Variants in SYN3 observed in about 807,000 individuals in gnomAD.
SYN3 encodes the protein synapsin-3.
Under a neutral mutation model 65.8 loss-of-function variants are expected in SYN3, and 35 were observed. The ratio of observed to expected loss-of-function variants is 0.53; its 90% CI spans 0.41 to 0.70. The LOEUF (loss-of-function observed/expected upper bound fraction) is 0.70, where lower values mean the gene tolerates loss of function less well. SYN3 is among the 30% of genes least tolerant of loss of function. The probability of loss-of-function intolerance (pLI) is 0.00; values close to 1 mark genes in which losing one functional copy is unlikely to be tolerated. For synonymous variants in SYN3, 270 were observed against 292.9 expected (o/e 0.92, Z 0.80); for missense variants, 680 against 749.0 (o/e 0.91, Z 1.08).
intron 7 of SYN3, among the ~76,000 whole-genome samples, chr22:32,546,841 T>G (rs779716171): frequency 2.0e-5 from 3 of 151,982 alleles, no homozygotes; most frequent in South Asian, 2.1e-4. Context: ...CTTGCCTCCC[T>G]CGCCCCTCTT....
chr22:32,800,313 C>T (rs957138825), intron 6 of SYN3, among the ~76,000 whole-genome samples: 2 of 152,018 alleles, frequency 1.3e-5, no homozygotes, highest in Admixed American at 6.5e-5. Flanking sequence ...TGCAAATGGC[C>T]ATTTGCAGTT....
At chr22:33,039,234 A>G (rs1378318939) in intron 1 of SYN3, among the ~76,000 whole-genome samples, 1 of 152,192 alleles carries the variant, frequency 6.6e-6, no homozygotes, top group Non-Finnish European at 1.5e-5. Context: ...GTGTGGAGCC[A>G]GCATTCAAAT....
intron 6 of SYN3, among the ~76,000 whole-genome samples, chr22:32,705,697 T>G (rs549085981): frequency 6.6e-6 from 1 of 152,352 alleles, no homozygotes; most frequent in African/African-American, 2.4e-5. Flanking sequence ...GCATGGAATA[T>G]TTTTCTATTT....
At chr22:32,671,579 GCACA>G (rs1184707760) in intron 6 of SYN3, among the ~76,000 whole-genome samples, 3 of 142,440 alleles carry the variant, frequency 2.1e-5, no homozygotes, top group Non-Finnish European at 3.0e-5. Context: ...TCAAACAAGT[GCACA>G]CACACACGCT....
Position 32,512,219 on chromosome 22 carries a change from C to CATA in SYN3, c.*1470_*1472dup, listed in dbSNP as rs1007563917. On this transcript the variant is annotated 3_prime_UTR_variant, in exon 14 of 14. Transcript: ENST00000358763. ...TACCAAACAATCTACATTGCTTGGGCATAACTAGAAGCTGCTCCAGGCCAA... is the reference window on the plus strand; with the variant it reads ...TACCAAACAATCTACATTGCTTGGGCATAATAACTAGAAGCTGCTCCAGGCCAA... 6.6e-6 allele frequency among the ~76,000 whole-genome samples: 1 copy of CATA among 152,216 alleles called. No homozygotes were observed. The highest frequency in any genetic ancestry group is 1.5e-5 in the Non-Finnish European group (1 of 68,038).
rs191592314 is a variant in SYN3 at position 32,544,889 on chromosome 22, C to T, written c.775-3176G>A. Among the ~76,000 whole-genome samples the T allele has an allele frequency of 7.9e-5, 12 of 152,306 alleles. No homozygotes were observed. In the East Asian group the frequency reaches 1.4e-3, roughly 17 times the overall value. ...GCCCTGAGCACAGAGTGGGCTACCT[C>T]GGAAGTGTCTAGCTGTCCACAGCAT... On this transcript the variant is annotated intron_variant, in intron 7 of 13. Transcript: ENST00000358763.
chr22:32,638,962 C>A (rs1177356360), intron 6 of SYN3, among the ~76,000 whole-genome samples: 1 of 151,180 alleles, frequency 6.6e-6, no homozygotes, highest in Non-Finnish European at 1.5e-5. Context: ...ACATTGAAAT[C>A]TTTTTTTTTG....
chr22:33,015,276 G>A (rs1601909524), intron 1 of SYN3: 1 of 542,482 alleles, frequency 1.8e-6, no homozygotes. Context: ...TCCAAAAGGA[G>A]CAGACTATTT....
intron 7 of SYN3, 57 bp from the exon 8 acceptor site, chr22:32,541,770 C>T: frequency 6.4e-7 from 1 of 1,572,938 alleles, no homozygotes. Context: ...CTGAGCCCAC[C>T]CTATGCCAGG....
chr22:32,741,643 T>C (rs2147395388), intron 6 of SYN3, among the ~76,000 whole-genome samples: 1 of 152,036 alleles, frequency 6.6e-6, no homozygotes, highest in Middle Eastern at 3.4e-3. Flanking sequence ...GCGTGAGCCA[T>C]CGTGCTTGCC....
At chr22:32,592,477 A>G (rs1312497506) in intron 7 of SYN3, among the ~76,000 whole-genome samples, 1 of 152,164 alleles carries the variant, frequency 6.6e-6, no homozygotes, top group Admixed American at 6.5e-5. Flanking sequence ...CATGATGTCC[A>G]CTATTTTTTT....
intron 6 of SYN3, among the ~76,000 whole-genome samples, chr22:32,851,182 G>T (rs573744728): frequency 6.6e-6 from 1 of 152,268 alleles, no homozygotes; most frequent in African/African-American, 2.4e-5. Flanking sequence ...GACAGCGCGG[G>T]AATGCCAAAG....
intron 6 of SYN3, among the ~76,000 whole-genome samples, chr22:32,780,077 A>AAAAAAAAAAAAAAG (rs2045999689): frequency 1.5e-4 from 3 of 19,498 alleles, no homozygotes; most frequent in Non-Finnish European, 1.7e-4. Flanking sequence ...TCAAAAAAAA[A>AAAAAAAAAAAAAAG]AAGAGAGAGA....
intron 6 of SYN3, among the ~76,000 whole-genome samples, chr22:32,730,219 A>G (rs1338445200): frequency 1.3e-5 from 2 of 152,226 alleles, no homozygotes. Context: ...CACACCTTGA[A>G]TATATTTCAT....
chr22:32,948,447 T>C (rs2051180205), intron 3 of SYN3, among the ~76,000 whole-genome samples: 1 of 151,904 alleles, frequency 6.6e-6, no homozygotes, highest in African/African-American at 2.4e-5. Context: ...ATTAAGAAAA[T>C]CTCTTTGGGC....
At chr22:32,759,091 C>T (rs376584623) in intron 6 of SYN3, among the ~76,000 whole-genome samples, 13 of 152,098 alleles carry the variant, frequency 8.5e-5, no homozygotes, top group Non-Finnish European at 1.9e-4. Context: ...GTTCTTTAAG[C>T]CCTGTATTCA....
At chr22:32,948,005 G>C (rs985083408) in intron 3 of SYN3, among the ~76,000 whole-genome samples, 2 of 152,296 alleles carry the variant, frequency 1.3e-5, no homozygotes, top group African/African-American at 4.8e-5. Context: ...CGTTTCCTGG[G>C]AGAGACTCTC....
chr22:33,055,316 C>A (rs2054237227), intron 1 of SYN3, among the ~76,000 whole-genome samples: 1 of 152,222 alleles, frequency 6.6e-6, no homozygotes, highest in African/African-American at 2.4e-5. Context: ...TCTCGGGCCA[C>A]TCCACACAAT....
intron 6 of SYN3, among the ~76,000 whole-genome samples, chr22:32,615,868 G>A (rs1238731690): frequency 6.6e-6 from 1 of 152,228 alleles, no homozygotes; most frequent in Non-Finnish European, 1.5e-5. Context: ...ATCCAGGTAC[G>A]ACAGGGACAG....
Sources: allele counts gnomAD v4.1 joint callset (sites outside exome capture counted in the v4.1 genomes callset), GRCh38; gene constraint gnomAD v4.1.1; transcripts MANE v1.5; gene names NCBI Gene and HGNC (gene_info 2026-07-23, HGNC 2026-07-21).